FSIP2: variants seen among roughly 807,000 people sequenced by gnomAD.
FSIP2 encodes the protein fibrous sheath interacting protein 2, also known as fibrous sheath-interacting protein 2.
A neutral mutation model predicts 510.5 loss-of-function variants in FSIP2; 367 were observed. The observed-to-expected ratio is 0.72, with a 90% CI of 0.66 to 0.78. The LOEUF (loss-of-function observed/expected upper bound fraction) is 0.78. FSIP2 is among the 30% of genes least tolerant of loss of function. FSIP2 has a pLI of 0.00. For synonymous variants in FSIP2, 2,601 were observed against 2,732.2 expected (o/e 0.95, Z 1.50); for missense variants, 7,594 against 7,901.7 (o/e 0.96, Z 1.48).
At chr2:185,798,116 T>TA (rs1427932791) in intron 16 of FSIP2, among the ~76,000 whole-genome samples, 2 of 151,960 alleles carry the variant, frequency 1.3e-5, no homozygotes, top group African/African-American at 4.8e-5. Context: ...GAGGCCATTT[T>TA]AAAGCAGGAG....
chr2:185,830,668 C>A (rs546861984), intron 21 of FSIP2, among the ~76,000 whole-genome samples: 4 of 151,772 alleles, frequency 2.6e-5, no homozygotes, highest in African/African-American at 9.7e-5. Context: ...TAAGTCTATA[C>A]ATGTTCGGTA....
Position 185,807,260 on chromosome 2 carries a change from A to G in FSIP2, c.17954A>G (p.Lys5985Arg). Residue 5985 changes from lysine (K) to arginine (R), a missense_variant, in exon 17 of 23, where the codon AAA (lysine) becomes AGA (arginine). Coordinates refer to ENST00000424728, the MANE Select transcript of FSIP2 (RefSeq NM_173651.4). ...CLPLESKDVV[K>R]KVQKLAQTAS... Reference sequence around the variant, plus strand: ...CCTCTGGAATCTAAGGATGTTGTTAAAAAGGTCCAAAAGTTGGCCCAAACA... The same window carrying G: ...CCTCTGGAATCTAAGGATGTTGTTAGAAAGGTCCAAAAGTTGGCCCAAACA... 6.2e-7 allele frequency: 1 copy of G among 1,612,644 alleles called. No homozygotes were observed. Among genetic ancestry groups the G allele is most frequent in the Non-Finnish European group, 8.5e-7 (1 of 1,179,200 alleles).
chr2:185,808,790 A>G lies in FSIP2; in HGVS notation c.19484A>G (p.His6495Arg). ...VNRIVQKAQE[H>R]AFNVIPELEQ... The stretch of plus-strand genomic sequence containing the variant: ...AGAATTGTTCAAAAGGCCCAAGAAC[A>G]TGCTTTTAATGTGATTCCTGAATTA... Residue 6495 changes from histidine (H) to arginine (R), a missense_variant, in exon 17 of 23, where the codon CAT becomes CGT. Physicochemically the swap from His to Arg is conservative, Grantham distance 29 (BLOSUM62 0). Transcript: ENST00000424728. 2 of 1,612,736 alleles carry G rather than the reference A, an allele frequency of 1.2e-6. No homozygotes were observed. The highest frequency in any genetic ancestry group is 2.2e-5 in the South Asian group (2 of 90,832).
At position 185,793,568 on chromosome 2, in the gene FSIP2, G is replaced by A. The variant is rs1693191014; in HGVS notation, c.6432G>A (p.Lys2144=). Residue 2144 remains lysine, a synonymous_variant, in exon 16 of 23, where the codon AAG becomes AAA. Transcript: ENST00000424728. The stretch of plus-strand genomic sequence containing the variant: ...AGGGTGCAAATAAGATTATTCCTAA[G>A]CTTTCAGTTCCTAAATCAGATGTCA... ...FMEGANKIIP[K]LSVPKSDVIL... 6.5e-7 allele frequency: 1 copy of A among 1,534,164 alleles called. No individual in the cohort carries two copies. Among genetic ancestry groups the A allele is most frequent in the Non-Finnish European group, 8.7e-7 (1 of 1,145,634 alleles).
At chr2:185,759,162 TA>T (rs1179429283) in intron 9 of FSIP2, among the ~76,000 whole-genome samples, 1 of 150,920 alleles carries the variant, frequency 6.6e-6, no homozygotes, top group African/African-American at 2.4e-5. Context: ...TCTAGATATT[TA>T]AATATAGCCT....
At chr2:185,761,476 A>T (rs755342545) in intron 10 of FSIP2, among the ~76,000 whole-genome samples, 8 of 151,262 alleles carry the variant, frequency 5.3e-5, no homozygotes, top group Non-Finnish European at 1.2e-4. Context: ...AAAGAATAAG[A>T]CATAATTGCT....
Position 185,743,291 on chromosome 2 carries a change from T to C in FSIP2, c.384T>C (p.Asn128=). 6.7e-7 allele frequency: 1 copy of C among 1,487,576 alleles called. No individual in the cohort carries two copies. The highest frequency in any genetic ancestry group is 1.3e-5 in the South Asian group (1 of 76,128). 92.1% of individuals were successfully genotyped at this position (1,487,576 alleles called of 1,614,324 possible). The change falls in exon 3 of 23, where the codon AAT becomes AAC. Residue 128 remains asparagine, a synonymous_variant. Coordinates refer to ENST00000424728, the MANE Select transcript of FSIP2 (RefSeq NM_173651.4). ...AAGGTGGCTACATCACCAGCAATAA[T>C]AAAGTGGGTTGAAAATTACTTCTTT... ...LKKGGYITSN[N]KVVCTLRELN...
chr2:185,807,993 T>C lies in FSIP2; in HGVS notation c.18687T>C (p.Ile6229=). Residue 6229 remains isoleucine, a synonymous_variant, in exon 17 of 23, where the codon ATT becomes ATC. Transcript: ENST00000424728. ...AAGAATTTATCTCCAAAAGTAAGATTAAACTTGTACCACCCACCAAGGAAT... is the reference window on the plus strand; with the variant it reads ...AAGAATTTATCTCCAAAAGTAAGATCAAACTTGTACCACCCACCAAGGAAT... The part of the protein sequence containing the change: ...SVQEFISKSK[I]KLVPPTKESP... 6.2e-7 allele frequency: 1 copy of C among 1,610,782 alleles called. No individual in the cohort carries two copies. The highest frequency in any genetic ancestry group is 8.5e-7 in the Non-Finnish European group (1 of 1,178,022).
At chr2:185,784,861 C>CT (rs35677317) in intron 14 of FSIP2, among the ~76,000 whole-genome samples, 1 of 152,004 alleles carries the variant, frequency 6.6e-6, no homozygotes, top group Non-Finnish European at 1.5e-5. Context: ...TTACTTCTTA[C>CT]TTTTTTGGAG....
chr2:185,767,110 T>A (rs866215556), intron 13 of FSIP2, among the ~76,000 whole-genome samples: 1 of 143,132 alleles, frequency 7.0e-6, no homozygotes, highest in African/African-American at 2.6e-5. Flanking sequence ...TAGGTGGGAA[T>A]TGAACAATGA....
At chr2:185,818,396 A>G (rs1693861618) in intron 19 of FSIP2, among the ~76,000 whole-genome samples, 1 of 151,952 alleles carries the variant, frequency 6.6e-6, no homozygotes, top group African/African-American at 2.4e-5. Flanking sequence ...ATTGAGAAAG[A>G]AACAGATAGA....
rs773975635 is a variant in FSIP2 at position 185,753,760 on chromosome 2, AC to A, written c.910del (p.Gln304LysfsTer13). 1.2e-5 allele frequency: 17 copies of A among 1,397,910 alleles called. No homozygotes were observed. Among genetic ancestry groups the A allele is most frequent in the Admixed American group, 2.2e-5 (1 of 45,730 alleles). The allele number at this position is 1,397,910 out of a possible 1,614,324, so 86.6% of individuals were successfully genotyped here. ...LLEKKMAYHLQKMQDTGFNGE... is the reference protein window; with the variant it reads ...LLEKKMAYHLXKMQDTGFNGE... ...TAGAGAAAAAAATGGCTTATCATTT[AC>A]AAAAAATGCAAGATACTGGCTTTAA... On this transcript the variant is annotated frameshift_variant, in exon 8 of 23. Transcript: ENST00000424728. LOFTEE classifies it high-confidence loss of function.
rs536943529 is a variant in FSIP2 at position 185,808,546 on chromosome 2, A to T, written c.19240A>T (p.Asn6414Tyr). The T allele has an allele frequency of 6.2e-7, 1 of 1,612,634 alleles. No homozygotes were observed. The highest frequency in any genetic ancestry group is 8.5e-7 in the Non-Finnish European group (1 of 1,179,356). The change falls in exon 17 of 23, where the codon AAT (asparagine) becomes TAT (tyrosine). Residue 6414 changes from asparagine to tyrosine, a missense_variant. Asn to Tyr is a moderately radical substitution (Grantham distance 143). Transcript: ENST00000424728. ...TGAAGAGCACTGTTTAAATCCAGAA[A>T]ATACAGAAAGGATTTATCAGGTTGT... Reference protein sequence around the residue: ...DPEEHCLNPENTERIYQVVDS... With the variant: ...DPEEHCLNPEYTERIYQVVDS...
intron 11 of FSIP2, 122 bp downstream of exon 11, chr2:185,762,139 G>T (rs1692364744): frequency 2.0e-6 from 1 of 510,812 alleles, no homozygotes; most frequent in Admixed American, 3.4e-5. Context: ...AATTAAGGCT[G>T]ATATAAATTT....
intron 20 of FSIP2, among the ~76,000 whole-genome samples, chr2:185,825,900 G>A (rs1174795103): frequency 1.3e-5 from 2 of 151,830 alleles, no homozygotes; most frequent in African/African-American, 4.8e-5. Flanking sequence ...GTAAAGTCAT[G>A]TGTCACATAA....
At position 185,751,461 on chromosome 2, in the gene FSIP2, C is replaced by CTCTGTGTGTGTGTG. The variant is rs368632994; in HGVS notation, c.871-2260_871-2259insCTGTGTGTGTGTGT. ...AGACCAAATTTGGGTCTTTATTTTTCTGTGTGTGTGTGTGTGTGTGTGTGT... is the reference window on the plus strand; with the variant it reads ...AGACCAAATTTGGGTCTTTATTTTTCTCTGTGTGTGTGTGTGTGTGTGTGTGTGTGTGTGTGTGT... On this transcript the variant is annotated intron_variant, in intron 7 of 22. Coordinates refer to ENST00000424728, the MANE Select transcript of FSIP2 (RefSeq NM_173651.4). 8.3e-4 allele frequency among the ~76,000 whole-genome samples: 113 copies of CTCTGTGTGTGTGTG among 135,874 alleles called. 1 individual carries two copies. Among genetic ancestry groups the CTCTGTGTGTGTGTG allele is most frequent in the Non-Finnish European group, 1.2e-3 (72 of 62,558 alleles). 89.1% of individuals were successfully genotyped at this position (135,874 alleles called of 152,430 possible).
rs1382708263 is a variant in FSIP2, at chr2:185,804,809, A to G, written c.15503A>G (p.His5168Arg). ...GAAATTATAAAAGAAATTTCTGAAC[A>G]TGAGATTCGACTTTCCATGGCAGAG... ...TDEIIKEISE[H>R]EIRLSMAEDN... Residue 5168 changes from histidine to arginine, a missense_variant, in exon 17 of 23, where the codon CAT becomes CGT. Transcript: ENST00000424728. 1 of 1,532,914 alleles carries G rather than the reference A, an allele frequency of 6.5e-7. No homozygotes were observed. Among genetic ancestry groups the G allele is most frequent in the East Asian group, 2.4e-5 (1 of 40,820 alleles). The allele number at this position is 1,532,914 out of a possible 1,614,324, so 95.0% of individuals were successfully genotyped here.
In FSIP2 at chr2:185,764,517, G is replaced by C; in HGVS notation, c.1363G>C (p.Asp455His). 1 of 1,531,306 alleles carries C rather than the reference G, an allele frequency of 6.5e-7. No individual in the cohort carries two copies. The highest frequency in any genetic ancestry group is 8.7e-7 in the Non-Finnish European group (1 of 1,143,576). The allele number at this position is 1,531,306 out of a possible 1,614,324, so 94.9% of individuals were successfully genotyped here. ...AATTATGTAGAAGGAGACAAATGCT[G>C]ATTGGGATGGAAGACCAACCAAGAG... The part of the protein sequence containing the change: ...PSKEEKETNA[D>H]WDGRPTKRSS... Residue 455 changes from aspartate to histidine, a missense_variant, in exon 13 of 23, where the codon GAT (aspartate) becomes CAT (histidine). By Grantham distance (81) the Asp-to-His change is moderately conservative. Coordinates refer to ENST00000424728, the MANE Select transcript of FSIP2 (RefSeq NM_173651.4).
chr2:185,798,009 A>C (rs1693332521), intron 16 of FSIP2, among the ~76,000 whole-genome samples: 1 of 151,880 alleles, frequency 6.6e-6, no homozygotes, highest in Non-Finnish European at 1.5e-5. Flanking sequence ...TTTTTAATTC[A>C]TCACAATGCA....
Sources: allele counts gnomAD v4.1 joint callset (sites outside exome capture counted in the v4.1 genomes callset), GRCh38; gene constraint gnomAD v4.1.1; transcripts MANE v1.5; gene names NCBI Gene and HGNC (gene_info 2026-07-23, HGNC 2026-07-21).